Variants in CCDC122 observed in about 807,000 individuals in gnomAD.
CCDC122 encodes the protein coiled-coil domain-containing protein 122.
In CCDC122, 38 loss-of-function variants were observed where a neutral mutation model predicts 37.0. The observed-to-expected ratio is 1.03, with a 90% CI of 0.79 to 1.35. The LOEUF is 1.35. CCDC122 is among the 40% of genes most tolerant of loss of function. The pLI is 0.00. For synonymous variants in CCDC122, 83 were observed against 95.6 expected, an observed-to-expected ratio of 0.87 and a Z score of 0.77; for missense variants, 305 against 310.0, an observed-to-expected ratio of 0.98 and a Z score of 0.12.
downstream of CCDC122, among the ~76,000 whole-genome samples, chr13:43,835,501 G>A (rs573891351): frequency 1.3e-5 from 2 of 152,104 alleles, no homozygotes; most frequent in African/African-American, 4.8e-5. Flanking sequence ...CTTTTTCAAA[G>A]AATTTTTGAC....
chr13:43,820,914 A>T (rs751997351), downstream of CCDC122, among the ~76,000 whole-genome samples: 62 of 152,346 alleles, frequency 4.1e-4, no homozygotes, highest in Non-Finnish European at 3.5e-4. Flanking sequence ...TAGAGAAAAC[A>T]CACATGCTAT....
chr13:43,854,910 C>T (rs755187251), intron 6 of CCDC122: 32 of 151,956 alleles, frequency 2.1e-4, no homozygotes, highest in East Asian at 1.4e-3. Context: ...AAAAGACTGT[C>T]GATACAATTT....
chr13:43,831,267 A>G (rs922113960), intron 3 of CCDC122, among the ~76,000 whole-genome samples: 1 of 152,136 alleles, frequency 6.6e-6, no homozygotes, highest in African/African-American at 2.4e-5. Flanking sequence ...TTTTTTGCCA[A>G]GTATGTGTGT....
chr13:43,841,532 C>T lies in CCDC122; in HGVS notation c.673-4103G>A, dbSNP rs1466522897. On this transcript the variant is annotated intron_variant, in intron 6 of 6. Transcript: ENST00000444614. The stretch of plus-strand genomic sequence containing the variant: ...TCTTTTCACGTGTTTATTGGTCATA[C>T]TATGTCTTCTTTTGTTAAGTTCTGT... Among the ~76,000 whole-genome samples the T allele has an allele frequency of 3.3e-5, 5 of 152,116 alleles. No homozygotes were observed. In the East Asian group the frequency reaches 9.6e-4, roughly 29 times the overall value.
intron 6 of CCDC122, among the ~76,000 whole-genome samples, chr13:43,849,866 A>G (rs1342136383): frequency 6.6e-6 from 1 of 152,236 alleles, no homozygotes; most frequent in East Asian, 1.9e-4. Flanking sequence ...CTGTGGAGCC[A>G]GGAGTTTTAA....
chr13:43,852,584 C>A (rs1262778791), intron 6 of CCDC122, among the ~76,000 whole-genome samples: 1 of 151,996 alleles, frequency 6.6e-6, no homozygotes, highest in African/African-American at 2.4e-5. Context: ...TCTATGAGAA[C>A]TTCCCCAACC....
rs1419170875 is a variant in CCDC122, at chr13:43,828,354, A to C, written n.602-4343T>G. Among the ~76,000 whole-genome samples the C allele has an allele frequency of 2.0e-5, 3 of 152,320 alleles. No individual in the cohort carries two copies. In the East Asian group the frequency reaches 5.8e-4, roughly 29 times the overall value. ...CGGAGAATAAAATAGGAATGTTTCG[A>C]GCCTAATGAATGAGAATATCCATGA... On this transcript the variant is annotated intron_variant and non_coding_transcript_variant, in intron 3 of 3. Transcript: ENST00000470137.
At chr13:43,849,947 C>T (rs964161041) in intron 6 of CCDC122, among the ~76,000 whole-genome samples, 2 of 152,156 alleles carry the variant, frequency 1.3e-5, no homozygotes, top group Non-Finnish European at 2.9e-5. Context: ...TGGACTTCTC[C>T]GCCCATCAAG....
intron 6 of CCDC122, among the ~76,000 whole-genome samples, chr13:43,857,678 G>A (rs1041681838): frequency 2.0e-5 from 3 of 151,976 alleles, no homozygotes; most frequent in Admixed American, 6.6e-5. Context: ...CGAGGCAGGC[G>A]GATCACCTGA....
chr13:43,843,634 G>T (rs1953427482), intron 6 of CCDC122, among the ~76,000 whole-genome samples: 1 of 151,776 alleles, frequency 6.6e-6, no homozygotes, highest in African/African-American at 2.4e-5. Context: ...TTTACATTGG[G>T]CATTATTTTT....
At chr13:43,848,019 C>T (rs1023094151) in intron 6 of CCDC122, among the ~76,000 whole-genome samples, 4 of 152,226 alleles carry the variant, frequency 2.6e-5, no homozygotes, top group African/African-American at 9.6e-5. Flanking sequence ...AAGTGATCCA[C>T]CCACCTTGGC....
At chr13:43,853,692 T>C (rs1953817656) in intron 6 of CCDC122, among the ~76,000 whole-genome samples, 2 of 152,222 alleles carry the variant, frequency 1.3e-5, no homozygotes, top group Admixed American at 6.5e-5. Flanking sequence ...ATATACATTA[T>C]TCTCATCGCC....
At chr13:43,824,730 G>A (rs973745731) in intron 3 of CCDC122, among the ~76,000 whole-genome samples, 2 of 152,132 alleles carry the variant, frequency 1.3e-5, no homozygotes, top group South Asian at 2.1e-4. Flanking sequence ...ATTAAAAAGT[G>A]GGCAAAGGAC....
chr13:43,876,733 T>A (rs1418757302), intron 1 of CCDC122, among the ~76,000 whole-genome samples: 1 of 152,218 alleles, frequency 6.6e-6, no homozygotes, highest in Admixed American at 6.5e-5. Flanking sequence ...TATAAACCAA[T>A]GAAATAGTGT....
chr13:43,851,011 C>G (rs1265496898), intron 6 of CCDC122, among the ~76,000 whole-genome samples: 1 of 151,952 alleles, frequency 6.6e-6, no homozygotes, highest in East Asian at 1.9e-4. Flanking sequence ...GCAGATTTTG[C>G]ACTAGAAATC....
chr13:43,857,078 T>A (rs1041942299), intron 6 of CCDC122, among the ~76,000 whole-genome samples: 26 of 152,218 alleles, frequency 1.7e-4, no homozygotes, highest in Admixed American at 3.9e-4. Flanking sequence ...GATAATCAGA[T>A]GGGCTAAACA....
Position 43,858,850 on chromosome 13 carries a change from A to T in CCDC122, c.603T>A (p.Ser201=). The T allele has an allele frequency of 7.1e-7, 1 of 1,417,708 alleles. No individual in the cohort carries two copies. The highest frequency in any genetic ancestry group is 1.4e-5 in the African/African-American group (1 of 69,190). The allele number at this position is 1,417,708 out of a possible 1,614,324, so 87.8% of individuals were successfully genotyped here. Residue 201 remains serine, a synonymous_variant, in exon 6 of 7, where the codon TCT becomes TCA. Coordinates refer to ENST00000444614, the MANE Select transcript of CCDC122 (RefSeq NM_144974.5). ...CAAGAAAACAAGTTTTTTCAATGAT[A>T]GATTCTTTTACAGTTATAATTTTAT... ...LKDKIITVKE[S]IIEKTCFLEE...
At chr13:43,862,780 A>G (rs1267725583) in intron 4 of CCDC122, among the ~76,000 whole-genome samples, 1 of 152,230 alleles carries the variant, frequency 6.6e-6, no homozygotes, top group East Asian at 1.9e-4. Flanking sequence ...ATTGGTCAAT[A>G]GAAGAAGTAT....
intron 6 of CCDC122, among the ~76,000 whole-genome samples, chr13:43,845,013 T>C (rs1474498632): frequency 1.3e-5 from 2 of 152,146 alleles, no homozygotes; most frequent in Non-Finnish European, 2.9e-5. Context: ...ATAATGTTTG[T>C]CTTCTATTAG....
Sources: gnomAD v4.1 joint callset for allele counts (sites outside exome capture counted in the v4.1 genomes callset) on GRCh38, gnomAD v4.1.1 for gene constraint, MANE v1.5 for transcripts, NCBI Gene and HGNC (gene_info 2026-07-23, HGNC 2026-07-21) for gene names.